The following SLIT3 variants were observed in gnomAD, a reference collection of about 807,000 sequenced individuals.
The protein encoded by SLIT3 is slit homolog 3 protein.
In SLIT3, 68 loss-of-function variants were observed where a neutral mutation model predicts 184.0. The ratio of observed to expected loss-of-function variants is 0.37; its 90% CI spans 0.30 to 0.45. The LOEUF (loss-of-function observed/expected upper bound fraction) is 0.45. Among genes scored for constraint, SLIT3 ranks in the 20% least tolerant of loss-of-function variants. The pLI, the probability that SLIT3 is intolerant of heterozygous loss-of-function variation, is 1.00. For synonymous variants in SLIT3, 831 were observed against 828.6 expected, an observed-to-expected ratio of 1.00 and a Z score of -0.05; for missense variants, 1,707 against 2,026.0, an observed-to-expected ratio of 0.84 and a Z score of 3.02.
intron 4 of SLIT3, among the ~76,000 whole-genome samples, chr5:169,176,778 G>T (rs1472660407): frequency 1.3e-5 from 2 of 152,222 alleles, no homozygotes; most frequent in Non-Finnish European, 2.9e-5. Flanking sequence ...ATAGCAGGTG[G>T]CAGTGGGCTG....
chr5:168,842,118 G>A (rs890136283), intron 6 of SLIT3, among the ~76,000 whole-genome samples: 6 of 152,184 alleles, frequency 3.9e-5, no homozygotes, highest in Admixed American at 3.9e-4. Context: ...GGAAGGTCTA[G>A]GGGTGGGGAG....
At chr5:168,999,799 G>A (rs1215396277) in intron 4 of SLIT3, among the ~76,000 whole-genome samples, 2 of 152,200 alleles carry the variant, frequency 1.3e-5, no homozygotes, top group Non-Finnish European at 1.5e-5. Context: ...CCGGCCCTGG[G>A]GCTGCAGGTA....
At chr5:169,283,826 T>C (rs973907714) in intron 1 of SLIT3, among the ~76,000 whole-genome samples, 1 of 152,230 alleles carries the variant, frequency 6.6e-6, no homozygotes, top group Non-Finnish European at 1.5e-5. Flanking sequence ...TTGTGAGGTC[T>C]GTGCATTTTT....
intron 14 of SLIT3, among the ~76,000 whole-genome samples, chr5:168,770,187 T>G (rs1755499129): frequency 6.6e-6 from 1 of 152,110 alleles, no homozygotes; most frequent in Non-Finnish European, 1.5e-5. Flanking sequence ...GCCGGCAGCA[T>G]CCAACCCTAA....
intron 4 of SLIT3, among the ~76,000 whole-genome samples, chr5:168,919,682 T>C (rs1761574455): frequency 6.6e-6 from 1 of 152,192 alleles, no homozygotes; most frequent in Admixed American, 6.5e-5. Context: ...ATAATTATTA[T>C]AAAAACTTTA....
At chr5:168,774,905 G>A (rs537128454) in intron 12 of SLIT3, among the ~76,000 whole-genome samples, 1 of 152,206 alleles carries the variant, frequency 6.6e-6, no homozygotes, top group Non-Finnish European at 1.5e-5. Flanking sequence ...CATACATATG[G>A]ATTCTCTGTC....
chr5:168,817,478 G>A lies in SLIT3; in HGVS notation c.630-15C>T, dbSNP rs1757372009. On this transcript the variant is annotated splice_polypyrimidine_tract_variant and intron_variant, in intron 7 of 35. Transcript: ENST00000519560. Reference sequence around the variant, plus strand: ...AGTGGAGGCGCCTGGGAGAGGGCGGGACAGAGAGAAGGCATGGTCACAGGT... The same window carrying A: ...AGTGGAGGCGCCTGGGAGAGGGCGGAACAGAGAGAAGGCATGGTCACAGGT... 1 of 1,604,062 alleles carries A rather than the reference G, an allele frequency of 6.2e-7. No homozygotes were observed. The highest frequency in any genetic ancestry group is 8.5e-7 in the Non-Finnish European group (1 of 1,177,486).
chr5:168,998,525 G>A (rs1755589306), intron 4 of SLIT3, among the ~76,000 whole-genome samples: 1 of 152,024 alleles, frequency 6.6e-6, no homozygotes, highest in Non-Finnish European at 1.5e-5. Context: ...CCAATATGGT[G>A]AAACCCCGTC....
chr5:169,091,988 G>A (rs1315612677), intron 4 of SLIT3, among the ~76,000 whole-genome samples: 2 of 152,156 alleles, frequency 1.3e-5, no homozygotes, highest in African/African-American at 4.8e-5. Flanking sequence ...TTGGGAGGCC[G>A]AGGCAGGCGG....
chr5:168,984,137 A>G (rs778716401), intron 4 of SLIT3, among the ~76,000 whole-genome samples: 3 of 152,196 alleles, frequency 2.0e-5, no homozygotes, highest in Non-Finnish European at 1.5e-5. Context: ...GCAACAAACT[A>G]GAATATTACT....
At chr5:169,291,675 CTTTGA>C (rs1767366685) in intron 1 of SLIT3, among the ~76,000 whole-genome samples, 1 of 152,176 alleles carries the variant, frequency 6.6e-6, no homozygotes, top group South Asian at 2.1e-4. Context: ...AACAGGGGCT[CTTTGA>C]TTTAAGTTGA....
intron 23 of SLIT3, among the ~76,000 whole-genome samples, chr5:168,714,064 A>C (rs1762642609): frequency 6.6e-6 from 1 of 152,182 alleles, no homozygotes; most frequent in African/African-American, 2.4e-5. Context: ...TCTCAGGGTG[A>C]AAGTGAGCCT....
intron 4 of SLIT3, among the ~76,000 whole-genome samples, chr5:169,185,383 G>C (rs560035798): frequency 1.3e-5 from 2 of 152,326 alleles, no homozygotes; most frequent in African/African-American, 4.8e-5. Context: ...CCCGGCCTCT[G>C]AAATCCATGC....
At chr5:168,686,301 T>C (rs2113229127) in intron 30 of SLIT3, among the ~76,000 whole-genome samples, 1 of 152,248 alleles carries the variant, frequency 6.6e-6, no homozygotes, top group Non-Finnish European at 1.5e-5. Context: ...TCATCAGAAT[T>C]GCCTGGGGGT....
intron 3 of SLIT3, among the ~76,000 whole-genome samples, chr5:169,222,536 C>T (rs948392581): frequency 1.3e-5 from 2 of 152,084 alleles, no homozygotes; most frequent in Non-Finnish European, 2.9e-5. Flanking sequence ...AAAGATAGTT[C>T]AGGATCTAAT....
intron 1 of SLIT3, among the ~76,000 whole-genome samples, chr5:169,276,104 A>G (rs1766794815): frequency 6.6e-6 from 1 of 152,138 alleles, no homozygotes; most frequent in Non-Finnish European, 1.5e-5. Flanking sequence ...GAAAGAGAGC[A>G]ATTGAACGCT....
intron 2 of SLIT3, among the ~76,000 whole-genome samples, chr5:169,248,326 C>T (rs981313541): frequency 2.0e-5 from 3 of 152,154 alleles, no homozygotes; most frequent in African/African-American, 7.2e-5. Context: ...ATCCACATCC[C>T]TTCCAGATCT....
chr5:169,071,777 G>C (rs1758557363), intron 4 of SLIT3, among the ~76,000 whole-genome samples: 1 of 152,126 alleles, frequency 6.6e-6, no homozygotes, highest in African/African-American at 2.4e-5. Flanking sequence ...TGACTGCTTG[G>C]CCTCTTGTTC....
intron 1 of SLIT3, among the ~76,000 whole-genome samples, chr5:169,294,136 C>T (rs952387827): frequency 5.3e-5 from 8 of 152,118 alleles, no homozygotes; most frequent in Admixed American, 2.0e-4. Context: ...TTAAGACCAC[C>T]TTACATAATG....
Sources: gnomAD v4.1 joint callset for allele counts (sites outside exome capture counted in the v4.1 genomes callset) on GRCh38, gnomAD v4.1.1 for gene constraint, MANE v1.5 for transcripts, NCBI Gene and HGNC (gene_info 2026-07-23, HGNC 2026-07-21) for gene names.